LAMC1: variants seen among roughly 807,000 people sequenced by gnomAD.
LAMC1 encodes laminin subunit gamma 1, also known as laminin subunit gamma-1.
LAMC1 carries 38 observed loss-of-function variants against 173.6 expected under a neutral mutation model. The observed-to-expected ratio is 0.22, with a 90% CI of 0.17 to 0.29. The LOEUF (loss-of-function observed/expected upper bound fraction) is 0.29. LAMC1 is among the 10% of genes least tolerant of loss of function. The probability of loss-of-function intolerance (pLI) is 1.00; values close to 1 mark genes in which losing one functional copy is unlikely to be tolerated. For missense variants in LAMC1, 1,824 were observed against 2,051.8 expected (o/e 0.89, Z 2.14); for synonymous variants, 746 against 749.1 (o/e 1.00, Z 0.07).
intron 17 of LAMC1, 84 bp from the exon 18 acceptor site, chr1:183,128,510 A>C: frequency 8.6e-7 from 1 of 1,167,066 alleles, no homozygotes; most frequent in Non-Finnish European, 1.2e-6. Context: ...TGGAGTGCCC[A>C]TGATTCCTGC....
At chr1:183,104,083 T>C (rs955591759) in intron 2 of LAMC1, among the ~76,000 whole-genome samples, 2 of 152,222 alleles carry the variant, frequency 1.3e-5, no homozygotes, top group African/African-American at 4.8e-5. Flanking sequence ...AGCAAGATAT[T>C]TAAGAATGCC....
intron 1 of LAMC1, among the ~76,000 whole-genome samples, chr1:183,087,869 A>C (rs1299340735): frequency 1.3e-5 from 2 of 150,248 alleles, no homozygotes; most frequent in Non-Finnish European, 3.0e-5. Context: ...GCTGGAGTGC[A>C]ATGGTGCGAT....
At chr1:183,069,459 A>T (rs1220909938) in intron 1 of LAMC1, among the ~76,000 whole-genome samples, 1 of 152,230 alleles carries the variant, frequency 6.6e-6, no homozygotes, top group Non-Finnish European at 1.5e-5. Context: ...AAGTTAAGTC[A>T]TTATCCTCAA....
chr1:183,063,758 C>A (rs1300932409), intron 1 of LAMC1, among the ~76,000 whole-genome samples: 1 of 152,208 alleles, frequency 6.6e-6, no homozygotes, highest in Non-Finnish European at 1.5e-5. Flanking sequence ...CAAATTCATA[C>A]ATCGGATGAA....
At chr1:183,063,072 TATTAA>T (rs149599777) in intron 1 of LAMC1, among the ~76,000 whole-genome samples, 14 of 152,366 alleles carry the variant, frequency 9.2e-5, no homozygotes, top group Non-Finnish European at 2.1e-4. Context: ...CCACATCCAA[TATTAA>T]ATTCATTGTT....
chr1:183,134,611 A>C (rs748494926), intron 22 of LAMC1, 49 bp from the exon 23 acceptor site: 23 of 1,476,074 alleles, frequency 1.6e-5, no homozygotes, highest in Admixed American at 3.9e-5. Context: ...CCTTTTCATT[A>C]GTTTAAATGT....
rs1657228884 is a variant in LAMC1 at position 183,145,383 on chromosome 1, G to C, written c.*2593G>C. The C allele has an allele frequency of 6.6e-6, 1 of 152,644 alleles. No individual in the cohort carries two copies. Among genetic ancestry groups the C allele is most frequent in the East Asian group, 1.9e-4 (1 of 5,180 alleles). 9.5% of individuals were successfully genotyped at this position (152,644 alleles called of 1,614,324 possible). ...CTGCTGCAGAATGCTGGTTGACACA[G>C]GGATTATTATACTGCTATTTTTCCC... On this transcript the variant is annotated 3_prime_UTR_variant, in exon 28 of 28. Transcript: ENST00000258341.
In LAMC1 at chr1:183,036,184, C is replaced by T. The variant is rs1195963263; in HGVS notation, c.418+12050C>T. Among the ~76,000 whole-genome samples, 5 of 150,946 alleles carry T rather than the reference C, an allele frequency of 3.3e-5. No individual in the cohort carries two copies. The South Asian group carries it at 6.3e-4, about 19-fold the overall frequency. Reference sequence around the variant, plus strand: ...CGCAATCTTGGCTCACTGCAACTTCCGCCTCCCGGCTTCAAGTGATTCTTC... The same window carrying T: ...CGCAATCTTGGCTCACTGCAACTTCTGCCTCCCGGCTTCAAGTGATTCTTC... On this transcript the variant is annotated intron_variant, in intron 1 of 27. Transcript: ENST00000258341.
chr1:183,073,927 T>G (rs569051351), intron 1 of LAMC1, among the ~76,000 whole-genome samples: 13 of 152,110 alleles, frequency 8.5e-5, no homozygotes, highest in Non-Finnish European at 1.8e-4. Flanking sequence ...TGGCATAGAT[T>G]ACATAGATTA....
At chr1:183,131,934 G>T (rs534397292) in intron 20 of LAMC1, among the ~76,000 whole-genome samples, 40 of 152,192 alleles carry the variant, frequency 2.6e-4, no homozygotes, top group Admixed American at 1.1e-3. Context: ...CCACTGAAAT[G>T]ATCACAAAAT....
intron 1 of LAMC1, among the ~76,000 whole-genome samples, chr1:183,043,382 A>G (rs1371707753): frequency 3.3e-5 from 5 of 152,214 alleles, no homozygotes; most frequent in Non-Finnish European, 5.9e-5. Flanking sequence ...TGAATTGAGA[A>G]TCACAGATGA....
At chr1:183,118,709 T>A (rs940611527) in intron 11 of LAMC1, among the ~76,000 whole-genome samples, 1 of 148,984 alleles carries the variant, frequency 6.7e-6, no homozygotes, top group Non-Finnish European at 1.5e-5. Flanking sequence ...GGCGACAGAA[T>A]GAGAATCTGT....
At chr1:183,057,905 ATAT>A (rs1369522028) in intron 1 of LAMC1, among the ~76,000 whole-genome samples, 2 of 152,100 alleles carry the variant, frequency 1.3e-5, no homozygotes, top group Non-Finnish European at 2.9e-5. Context: ...CTAACTAAAC[ATAT>A]TATATATTTT....
intron 16 of LAMC1, among the ~76,000 whole-genome samples, chr1:183,126,805 G>C (rs1329889170): frequency 6.6e-6 from 1 of 152,190 alleles, no homozygotes; most frequent in East Asian, 1.9e-4. Context: ...ATAAGTAATT[G>C]ACTCAGTTCA....
chr1:183,034,835 T>C (rs1225238788), intron 1 of LAMC1, among the ~76,000 whole-genome samples: 1 of 152,188 alleles, frequency 6.6e-6, no homozygotes, highest in East Asian at 1.9e-4. Context: ...CAAAAGAAAC[T>C]AAATTACCTT....
chr1:183,057,567 G>A (rs1007675737), intron 1 of LAMC1, among the ~76,000 whole-genome samples: 1 of 152,126 alleles, frequency 6.6e-6, no homozygotes, highest in Admixed American at 6.5e-5. Context: ...TTGAGACCAG[G>A]TTGGCCAGCA....
chr1:183,105,635 T>TA (rs5779154), intron 2 of LAMC1, among the ~76,000 whole-genome samples: 77,138 of 149,838 alleles, frequency 0.51, 20,180 homozygotes, highest in South Asian at 0.64. Flanking sequence ...ACCTTGCATT[T>TA]AAAAAAAAAA....
chr1:183,093,738 T>G (rs1040466750), intron 1 of LAMC1, among the ~76,000 whole-genome samples: 1 of 152,216 alleles, frequency 6.6e-6, no homozygotes, highest in Non-Finnish European at 1.5e-5. Flanking sequence ...AACTCCCAGT[T>G]TCTTACTCTC....
At position 183,117,631 on chromosome 1, in the gene LAMC1, T is replaced by A; in HGVS notation, c.1785T>A (p.Leu595=). ...RRDTRLSAED[L]VLEGAGLRVS... ...ATACTCGCCTCTCTGCAGAAGACCT[T>A]GTGCTTGAGGGAGCTGGCTTAAGAG... is the stretch of plus-strand genomic sequence containing the variant. The change falls in exon 10 of 28, where the codon CTT becomes CTA. Residue 595 remains leucine, a synonymous_variant. Coordinates refer to ENST00000258341, the MANE Select transcript of LAMC1 (RefSeq NM_002293.4). 4 of 1,614,094 alleles carry A rather than the reference T, an allele frequency of 2.5e-6. No individual in the cohort carries two copies. The highest frequency in any genetic ancestry group is 3.4e-6 in the Non-Finnish European group (4 of 1,180,046).
Sources: gnomAD v4.1 joint callset for allele counts (sites outside exome capture counted in the v4.1 genomes callset) on GRCh38, gnomAD v4.1.1 for gene constraint, MANE v1.5 for transcripts, NCBI Gene and HGNC (gene_info 2026-07-23, HGNC 2026-07-21) for gene names.